PIEZO2: variants seen among roughly 807,000 people sequenced by gnomAD.
PIEZO2 encodes the protein piezo-type mechanosensitive ion channel component 2.
A neutral mutation model predicts 337.3 loss-of-function variants in PIEZO2; 172 were observed. The observed-to-expected ratio is 0.51, with a 90% CI of 0.45 to 0.58. The LOEUF (loss-of-function observed/expected upper bound fraction) is 0.58. Among genes scored for constraint, PIEZO2 ranks in the 20% least tolerant of loss-of-function variants. The pLI is 0.00. For missense variants in PIEZO2, 3,028 were observed against 3,391.3 expected (o/e 0.89, Z 2.66); for synonymous variants, 1,251 against 1,228.5 (o/e 1.02, Z -0.38).
chr18:10,962,341 C>A lies in PIEZO2; in HGVS notation c.286+17194G>T, dbSNP rs139482927. Reference sequence around the variant, plus strand: ...TTCCTGGTCACTCACGGCCCTCCCTCGGCTCCCCACAGCCTCATACTCACA... The same window carrying A: ...TTCCTGGTCACTCACGGCCCTCCCTAGGCTCCCCACAGCCTCATACTCACA... On this transcript the variant is annotated intron_variant, in intron 3 of 55. Coordinates refer to ENST00000674853, the MANE Select transcript of PIEZO2 (RefSeq NM_001378183.1). This position sits in a 1 kb window ranked among gnomAD's most constrained non-coding sequence, Gnocchi z 4.1. Among the ~76,000 whole-genome samples, 1 of 152,176 alleles carries A rather than the reference C, an allele frequency of 6.6e-6. No homozygotes were observed. Among genetic ancestry groups the A allele is most frequent in the Non-Finnish European group, 1.5e-5 (1 of 68,034 alleles).
rs2040812988 is a variant in PIEZO2, at chr18:11,146,392, G to A, written c.64+2133C>T. On this transcript the variant is annotated intron_variant, in intron 1 of 55. Coordinates refer to ENST00000674853, the MANE Select transcript of PIEZO2 (RefSeq NM_001378183.1). This position sits in a 1 kb window ranked among gnomAD's most constrained non-coding sequence, Gnocchi z 6.1. ...GTGCGGGCACCACAGAAGAAGCTCGGTGGGGGTCCCAGTGGTGAGAGGCAG... is the reference window on the plus strand; with the variant it reads ...GTGCGGGCACCACAGAAGAAGCTCGATGGGGGTCCCAGTGGTGAGAGGCAG... Among the ~76,000 whole-genome samples, 3 of 152,164 alleles carry A rather than the reference G, an allele frequency of 2.0e-5. No homozygotes were observed. The South Asian group carries it at 6.2e-4, about 31-fold the overall frequency.
chr18:10,848,339 CTTGT>C (rs1234302704), intron 7 of PIEZO2, among the ~76,000 whole-genome samples: 1 of 152,140 alleles, frequency 6.6e-6, no homozygotes, highest in Admixed American at 6.5e-5. Context: ...ACTTGGAATG[CTTGT>C]TTTTTAACTT....
At chr18:10,987,509 A>G (rs2034921673) in intron 2 of PIEZO2, among the ~76,000 whole-genome samples, 1 of 152,134 alleles carries the variant, frequency 6.6e-6, no homozygotes, top group African/African-American at 2.4e-5. Context: ...ATTACCATGT[A>G]CAAAATAATA....
chr18:10,895,280 T>C lies in PIEZO2; in HGVS notation c.329+15906A>G, dbSNP rs926836322. On this transcript the variant is annotated intron_variant, in intron 4 of 55. Transcript: ENST00000674853. This position sits in a 1 kb window ranked among gnomAD's most constrained non-coding sequence, Gnocchi z 4.8. ...GGCCAACATGGTGAAACCCCATTTC[T>C]ACTAAAAATACAAAAATTAGCTGGG... is the stretch of plus-strand genomic sequence containing the variant. Among the ~76,000 whole-genome samples the C allele has an allele frequency of 6.6e-6, 1 of 152,006 alleles. No homozygotes were observed. The highest frequency in any genetic ancestry group is 2.4e-5 in the African/African-American group (1 of 41,382).
chr18:10,761,215 A>G, intron 23 of PIEZO2, 104 bp from the exon 24 acceptor site: 1 of 1,030,140 alleles, frequency 9.7e-7, no homozygotes, highest in Non-Finnish European at 1.4e-6. Context: ...TGTTTTATAA[A>G]AGCTCACCTC....
intron 4 of PIEZO2, among the ~76,000 whole-genome samples, chr18:10,890,952 T>C (rs1040374007): frequency 6.6e-6 from 1 of 152,168 alleles, no homozygotes; most frequent in Non-Finnish European, 1.5e-5. Context: ...AAATAAAAAA[T>C]ATATCGAATC....
intron 7 of PIEZO2, among the ~76,000 whole-genome samples, chr18:10,825,962 T>C (rs1223749803): frequency 1.3e-5 from 2 of 152,222 alleles, no homozygotes; most frequent in African/African-American, 2.4e-5. Flanking sequence ...CAGAATTGCC[T>C]CTTATCTCCC....
At chr18:10,745,016 G>A (rs575206000) in intron 30 of PIEZO2, among the ~76,000 whole-genome samples, 12 of 151,818 alleles carry the variant, frequency 7.9e-5, no homozygotes, top group Middle Eastern at 6.8e-3. Flanking sequence ...TTCAAACTCT[G>A]CTACGCTTTT....
At chr18:10,939,681 G>A (rs1235877686) in intron 3 of PIEZO2, among the ~76,000 whole-genome samples, 10 of 151,986 alleles carry the variant, frequency 6.6e-5, no homozygotes, top group Middle Eastern at 3.2e-3. Flanking sequence ...AAAACCAAAC[G>A]CCGCATGTTC....
At chr18:10,686,495 T>C (rs997957314) in intron 49 of PIEZO2, among the ~76,000 whole-genome samples, 14 of 152,212 alleles carry the variant, frequency 9.2e-5, no homozygotes, top group African/African-American at 2.4e-4. Context: ...CACTGAGATA[T>C]GTGCGTTTGT....
intron 21 of PIEZO2, among the ~76,000 whole-genome samples, chr18:10,765,407 C>T (rs1354680352): frequency 1.3e-5 from 2 of 152,076 alleles, no homozygotes; most frequent in African/African-American, 4.8e-5. Flanking sequence ...GGCTGGATCC[C>T]GGGGGTCTTA....
chr18:10,891,498 A>G (rs569181878), intron 4 of PIEZO2, among the ~76,000 whole-genome samples: 1 of 152,308 alleles, frequency 6.6e-6, no homozygotes, highest in African/African-American at 2.4e-5. Flanking sequence ...ATGCAGAAAG[A>G]CACATGTTAC....
chr18:10,906,698 C>A (rs2029961566), intron 4 of PIEZO2, among the ~76,000 whole-genome samples: 1 of 152,026 alleles, frequency 6.6e-6, no homozygotes, highest in Non-Finnish European at 1.5e-5. Context: ...GTAGTTGGGA[C>A]TACAGGCACA....
rs929992090 is a variant in PIEZO2 at position 11,047,672 on chromosome 18, G to A, written c.160+18455C>T. Reference sequence around the variant, plus strand: ...GGTCCTAAGGAGGAGGGCACGGGGGGAATCTGGGGAGAGCACTACAGCAGC... The same window carrying A: ...GGTCCTAAGGAGGAGGGCACGGGGGAAATCTGGGGAGAGCACTACAGCAGC... On this transcript the variant is annotated intron_variant, in intron 2 of 55. Coordinates refer to ENST00000674853, the MANE Select transcript of PIEZO2 (RefSeq NM_001378183.1). The surrounding 1 kb of genome is among the most constrained non-coding windows in gnomAD (Gnocchi z 7.2). Among the ~76,000 whole-genome samples the A allele has an allele frequency of 2.0e-5, 3 of 152,146 alleles. No homozygotes were observed. Among genetic ancestry groups the A allele is most frequent in the Non-Finnish European group, 4.4e-5 (3 of 68,032 alleles).
rs1250373056 is a variant in PIEZO2, at chr18:11,126,620, A to G, written c.64+21905T>C. On this transcript the variant is annotated intron_variant, in intron 1 of 55. Coordinates refer to ENST00000674853, the MANE Select transcript of PIEZO2 (RefSeq NM_001378183.1). The surrounding 1 kb of genome is among the most constrained non-coding windows in gnomAD (Gnocchi z 4.6). The stretch of plus-strand genomic sequence containing the variant: ...AAAGAGGATCTCAAGAGCAGGAGCC[A>G]TGCCTTACATATTTTTTTTTTTTTG... Among the ~76,000 whole-genome samples the G allele has an allele frequency of 6.6e-6, 1 of 151,650 alleles. No individual in the cohort carries two copies. Among genetic ancestry groups the G allele is most frequent in the Non-Finnish European group, 1.5e-5 (1 of 67,944 alleles).
Position 10,785,056 on chromosome 18 carries a change from G to C in PIEZO2, c.2319-99C>G, listed in dbSNP as rs1400384846. 6 of 1,306,612 alleles carry C rather than the reference G, an allele frequency of 4.6e-6. No homozygotes were observed. The African/African-American group carries it at 8.9e-5, about 19-fold the overall frequency. The allele number at this position is 1,306,612 out of a possible 1,614,324, so 80.9% of individuals were successfully genotyped here. A position where few individuals can be genotyped will look rare whatever the true frequency, so the allele number is the denominator to read the frequency against. On this transcript the variant is annotated intron_variant, in intron 16 of 55. Coordinates refer to ENST00000674853, the MANE Select transcript of PIEZO2 (RefSeq NM_001378183.1). The stretch of plus-strand genomic sequence containing the variant: ...ACATCACAGTCTTACACTCCTGTCA[G>C]GTCTATCGTTTATTGAATCCCTCTC...
At chr18:10,972,629 C>A (rs1366717015) in intron 3 of PIEZO2, among the ~76,000 whole-genome samples, 1 of 152,168 alleles carries the variant, frequency 6.6e-6, no homozygotes, top group Non-Finnish European at 1.5e-5. Flanking sequence ...TAGGTACAAA[C>A]CCCAATATAA....
At chr18:10,687,200 G>T (rs1054874629) in intron 49 of PIEZO2, among the ~76,000 whole-genome samples, 3 of 152,126 alleles carry the variant, frequency 2.0e-5, no homozygotes, top group African/African-American at 7.2e-5. Context: ...AGTGTGCCAT[G>T]GTGGTTTGTT....
rs2144109798 is a variant in PIEZO2 at position 10,784,068 on chromosome 18, AG to A, written c.2492+715del. On this transcript the variant is annotated intron_variant, in intron 17 of 55. Coordinates refer to ENST00000674853, the MANE Select transcript of PIEZO2 (RefSeq NM_001378183.1). The surrounding 1 kb of genome is among the most constrained non-coding windows in gnomAD (Gnocchi z 4.5). Reference sequence around the variant, plus strand: ...ATATCTGAATCATAGGCTAAACATGAGGCAGAAAGGAAAACCATTGTCAGCG... The same window carrying A: ...ATATCTGAATCATAGGCTAAACATGAGCAGAAAGGAAAACCATTGTCAGCG... 6.6e-6 allele frequency among the ~76,000 whole-genome samples: 1 copy of A among 152,334 alleles called. No individual in the cohort carries two copies. The highest frequency in any genetic ancestry group is 1.9e-4 in the East Asian group (1 of 5,192).
Sources: gnomAD v4.1 joint callset for allele counts (sites outside exome capture counted in the v4.1 genomes callset) on GRCh38, gnomAD v4.1.1 for gene constraint, Gnocchi (gnomAD v3.1) non-coding constraint, MANE v1.5 for transcripts, NCBI Gene and HGNC (gene_info 2026-07-23, HGNC 2026-07-21) for gene names.